CNIH3: variants seen among roughly 807,000 people sequenced by gnomAD.
CNIH3 encodes cornichon family AMPA receptor auxiliary protein 3, also known as protein cornichon homolog 3.
A neutral mutation model predicts 24.1 loss-of-function variants in CNIH3; 14 were observed. The observed-to-expected ratio is 0.58, with a 90% CI of 0.38 to 0.91. The LOEUF (loss-of-function observed/expected upper bound fraction) is 0.91, where lower values mean the gene tolerates loss of function less well. CNIH3 is among the 40% of genes least tolerant of loss of function. The pLI, the probability that CNIH3 is intolerant of heterozygous loss-of-function variation, is 0.00. For synonymous variants in CNIH3, 68 were observed against 73.8 expected, an observed-to-expected ratio of 0.92 and a Z score of 0.40; for missense variants, 178 against 196.8, an observed-to-expected ratio of 0.90 and a Z score of 0.57.
chr1:224,532,758 C>T (rs1679124273), intron 2 of CNIH3, among the ~76,000 whole-genome samples: 3 of 152,178 alleles, frequency 2.0e-5, no homozygotes, highest in African/African-American at 4.8e-5. Flanking sequence ...ATAATACCAT[C>T]ACCAATTTGT....
chr1:224,490,355 T>C (rs781324852), intron 1 of CNIH3, among the ~76,000 whole-genome samples: 2 of 152,196 alleles, frequency 1.3e-5, no homozygotes, highest in African/African-American at 2.4e-5. Context: ...GTTTCATATT[T>C]TGGGGACTAG....
intron 1 of CNIH3, among the ~76,000 whole-genome samples, chr1:224,647,226 G>A (rs928153445): frequency 2.0e-5 from 3 of 152,186 alleles, no homozygotes; most frequent in Admixed American, 6.5e-5. Flanking sequence ...CAAGTGATCC[G>A]CTTGCTTCGG....
intron 1 of CNIH3, among the ~76,000 whole-genome samples, chr1:224,630,174 C>T (rs1466518709): frequency 6.6e-6 from 1 of 152,142 alleles, no homozygotes; most frequent in Admixed American, 6.5e-5. Flanking sequence ...CAAAGGGCAT[C>T]TTGCCAAGAA....
At chr1:224,660,047 C>A (rs548581584) in intron 1 of CNIH3, among the ~76,000 whole-genome samples, 11 of 152,216 alleles carry the variant, frequency 7.2e-5, no homozygotes, top group African/African-American at 2.7e-4. Flanking sequence ...ACCACTGGTT[C>A]CTTTCTACCT....
chr1:224,663,625 A>G (rs1160532224), intron 1 of CNIH3, among the ~76,000 whole-genome samples: 1 of 152,190 alleles, frequency 6.6e-6, no homozygotes, highest in Non-Finnish European at 1.5e-5. Flanking sequence ...AAATAGTTGG[A>G]GGGCTTGCCT....
chr1:224,678,266 A>G (rs961595574), intron 1 of CNIH3, among the ~76,000 whole-genome samples: 2 of 152,230 alleles, frequency 1.3e-5, no homozygotes, highest in Non-Finnish European at 2.9e-5. Context: ...ACTGAAGCAC[A>G]TGAAAAGACC....
chr1:224,704,859 C>T lies in CNIH3; in HGVS notation c.198+20016C>T, dbSNP rs936461446. Among the ~76,000 whole-genome samples the T allele has an allele frequency of 5.3e-4, 80 of 152,156 alleles. 2 individuals carry two copies. Among genetic ancestry groups the T allele is most frequent in the African/African-American group, 1.9e-3 (78 of 41,426 alleles). On this transcript the variant is annotated intron_variant, in intron 3 of 5. Transcript: ENST00000272133. This position sits in a 1 kb window ranked among gnomAD's most constrained non-coding sequence, Gnocchi z 4.2. ...GCACAGTGGCTCATGCCTGTAATCCCAGCACTTTGGGAGACTGAGGTGGGT... is the reference window on the plus strand; with the variant it reads ...GCACAGTGGCTCATGCCTGTAATCCTAGCACTTTGGGAGACTGAGGTGGGT...
intron 1 of CNIH3, among the ~76,000 whole-genome samples, chr1:224,453,923 A>C (rs145046163): frequency 6.6e-6 from 1 of 152,114 alleles, no homozygotes. Flanking sequence ...ACCCGAGATC[A>C]GTTTGTTTAG....
chr1:224,710,216 C>T (rs555749905), intron 3 of CNIH3, among the ~76,000 whole-genome samples: 1 of 152,358 alleles, frequency 6.6e-6, no homozygotes, highest in Non-Finnish European at 1.5e-5. Context: ...AATTGAGACA[C>T]TGTCTTCCAT....
chr1:224,625,324 C>T (rs184868157), intron 1 of CNIH3, among the ~76,000 whole-genome samples: 25 of 151,996 alleles, frequency 1.6e-4, no homozygotes, highest in Admixed American at 2.6e-4. Context: ...CCTAGGCGGG[C>T]GGATCATGAG....
intron 1 of CNIH3, among the ~76,000 whole-genome samples, chr1:224,504,149 C>A (rs978780721): frequency 1.2e-4 from 18 of 152,194 alleles, no homozygotes; most frequent in Non-Finnish European, 1.6e-4. Flanking sequence ...GACCTAGGTT[C>A]AAACCTGAAA....
intron 1 of CNIH3, among the ~76,000 whole-genome samples, chr1:224,516,556 G>A (rs1265086654): frequency 6.6e-6 from 1 of 152,192 alleles, no homozygotes; most frequent in East Asian, 1.9e-4. Context: ...CAAAGCAAAA[G>A]GGCTGCCATG....
intron 1 of CNIH3, among the ~76,000 whole-genome samples, chr1:224,674,787 T>C (rs1034475671): frequency 3.3e-5 from 5 of 150,970 alleles, no homozygotes; most frequent in African/African-American, 1.2e-4. Flanking sequence ...TGGCTTCCTC[T>C]GGCTCTGTCT....
intron 1 of CNIH3, among the ~76,000 whole-genome samples, chr1:224,487,651 T>C (rs1224009670): frequency 2.0e-5 from 3 of 152,234 alleles, no homozygotes; most frequent in Non-Finnish European, 4.4e-5. Context: ...GAAAATTGTA[T>C]AGAAGAAGCT....
chr1:224,699,710 G>A (rs1417199421), intron 3 of CNIH3, among the ~76,000 whole-genome samples: 1 of 152,146 alleles, frequency 6.6e-6, no homozygotes, highest in African/African-American at 2.4e-5. Context: ...ATCTGAATGT[G>A]TGTTCCAAGC....
intron 1 of CNIH3, among the ~76,000 whole-genome samples, chr1:224,443,298 G>C: frequency 6.6e-6 from 1 of 152,144 alleles, no homozygotes; most frequent in East Asian, 1.9e-4. Context: ...CCCTAGCTAG[G>C]TTTATATTTA....
chr1:224,493,268 G>A (rs990478668), intron 1 of CNIH3, among the ~76,000 whole-genome samples: 12 of 152,042 alleles, frequency 7.9e-5, no homozygotes, highest in East Asian at 3.8e-4. Context: ...ATATATATGC[G>A]GAAATTTTAA....
At chr1:224,507,071 C>T (rs1677950866) in intron 1 of CNIH3, among the ~76,000 whole-genome samples, 2 of 152,042 alleles carry the variant, frequency 1.3e-5, no homozygotes, top group South Asian at 4.1e-4. Context: ...CACCGTGTTG[C>T]CCAGGCTGGT....
intron 3 of CNIH3, among the ~76,000 whole-genome samples, chr1:224,556,051 G>C (rs1046365353): frequency 2.0e-5 from 3 of 152,158 alleles, no homozygotes; most frequent in African/African-American, 7.2e-5. Flanking sequence ...AGCTGGCATG[G>C]TATATTGATG....
Sources: allele counts gnomAD v4.1 joint callset (sites outside exome capture counted in the v4.1 genomes callset), GRCh38; gene constraint gnomAD v4.1.1; non-coding constraint Gnocchi (gnomAD v3.1); transcripts MANE v1.5; gene names NCBI Gene and HGNC (gene_info 2026-07-23, HGNC 2026-07-21).